Variants in MLST8 observed in about 807,000 individuals in gnomAD.
The protein encoded by MLST8 is MTOR associated protein MLST8, also known as target of rapamycin complex subunit LST8.
A neutral mutation model predicts 41.3 loss-of-function variants in MLST8; 20 were observed. The ratio of observed to expected loss-of-function variants is 0.48; its 90% CI spans 0.34 to 0.70. The LOEUF is 0.70. Ranked by LOEUF, MLST8 falls within the 30% of genes least tolerant of loss-of-function variation. MLST8 has a pLI of 0.01. For missense variants in MLST8, 422 were observed against 454.3 expected, an observed-to-expected ratio of 0.93 and a Z score of 0.65; for synonymous variants, 243 against 183.0, an observed-to-expected ratio of 1.33 and a Z score of -2.65.
chr16:2,205,668 C>G (rs993857262), intron 1 of MLST8, 156 bp downstream of exon 1: 1 of 988,636 alleles, frequency 1.0e-6, no homozygotes, highest in African/African-American at 1.7e-5. Context: ...CCATCAGGGC[C>G]TGCCGCTGGC....
At position 2,206,576 on chromosome 16, in the gene MLST8, CAT is replaced by C. The variant is rs754037791; in HGVS notation, c.262_263del (p.Ile88ArgfsTer44). 1 of 1,614,112 alleles carries C rather than the reference CAT, an allele frequency of 6.2e-7. No individual in the cohort carries two copies. Among genetic ancestry groups the C allele is most frequent in the South Asian group, 1.1e-5 (1 of 91,082 alleles). ...IISYDGVNKN[I>X]ASVGFHEDGR... Reference sequence around the variant, plus strand: ...TCAGCTACGACGGCGTCAACAAGAACATCGCGTCTGTGGGCTTCCACGAAGAC... The same window carrying C: ...TCAGCTACGACGGCGTCAACAAGAACCGCGTCTGTGGGCTTCCACGAAGAC... On this transcript the variant is annotated frameshift_variant, in exon 4 of 9. Transcript: ENST00000569417. LOFTEE classifies it high-confidence loss of function.
In MLST8 at chr16:2,209,214, G is replaced by C; in HGVS notation, c.*337G>C. 1 of 777,864 alleles carries C rather than the reference G, an allele frequency of 1.3e-6. No individual in the cohort carries two copies. The highest frequency in any genetic ancestry group is 2.0e-6 in the Non-Finnish European group (1 of 490,768). 48.2% of individuals were successfully genotyped at this position (777,864 alleles called of 1,614,324 possible). A position where few individuals can be genotyped will look rare whatever the true frequency, so the allele number is the denominator to read the frequency against. ...GTGTTCTCTGCCCCTCCCTGCCCGC[G>C]TTTCAGGGCCTCGGTCCATAGAGAA... On this transcript the variant is annotated 3_prime_UTR_variant, in exon 9 of 9. Transcript: ENST00000569417.
At position 2,208,596 on chromosome 16, in the gene MLST8, C is replaced by T; in HGVS notation, c.845C>T (p.Ser282Phe). 1 of 1,612,500 alleles carries T rather than the reference C, an allele frequency of 6.2e-7. No homozygotes were observed. Among genetic ancestry groups the T allele is most frequent in the Non-Finnish European group, 8.5e-7 (1 of 1,179,666 alleles). The change falls in exon 8 of 9, where the codon TCC becomes TTC. Residue 282 changes from serine to phenylalanine, a missense_variant. Transcript: ENST00000569417. ...TGGGGCTGCGCCTTCTCGGGGGACT[C>T]CCAGTACATCGTCACTGGTGAGCCC... ...WMWGCAFSGD[S>F]QYIVTASSDN...
intron 6 of MLST8, chr16:2,207,678 C>T (rs887454331): frequency 5.3e-6 from 2 of 378,446 alleles, no homozygotes; most frequent in East Asian, 5.5e-5. Flanking sequence ...CCTGACCTCC[C>T]CTGGCCCCTG....
chr16:2,207,948 C>T (rs917921516), intron 6 of MLST8: 12 of 393,906 alleles, frequency 3.0e-5, no homozygotes, highest in South Asian at 1.0e-4. Flanking sequence ...TGTCTACTTC[C>T]GTTGGCCATC....
At chr16:2,206,704 C>A in intron 4 of MLST8, 45 bp downstream of exon 4, 1 of 1,597,124 alleles carries the variant, frequency 6.3e-7, no homozygotes, top group Non-Finnish European at 8.5e-7. Flanking sequence ...GGGTGGGCTG[C>A]TCTGGGAGAC....
At chr16:2,205,871 G>A (rs1596708678) in intron 1 of MLST8, 160 bp from the exon 2 acceptor site, 1 of 1,358,140 alleles carries the variant, frequency 7.4e-7, no homozygotes, top group Non-Finnish European at 9.5e-7. Flanking sequence ...GAGCCCCGGA[G>A]CCAGGTATCA....
chr16:2,206,580 G>A lies in MLST8; in HGVS notation c.265G>A (p.Ala89Thr), dbSNP rs1285037604. ...CTACGACGGCGTCAACAAGAACATCGCGTCTGTGGGCTTCCACGAAGACGG... is the reference window on the plus strand; with the variant it reads ...CTACGACGGCGTCAACAAGAACATCACGTCTGTGGGCTTCCACGAAGACGG... ...ISYDGVNKNI[A>T]SVGFHEDGRW... Residue 89 changes from alanine (A) to threonine (T), a missense_variant, in exon 4 of 9, where the codon GCG becomes ACG. By Grantham distance (58) the Ala-to-Thr change is moderately conservative. Coordinates refer to ENST00000569417, the MANE Select transcript of MLST8 (RefSeq NM_022372.6). 1.9e-6 allele frequency: 3 copies of A among 1,613,980 alleles called. No homozygotes were observed. The highest frequency in any genetic ancestry group is 1.7e-5 in the Admixed American group (1 of 59,996).
intron 8 of MLST8, 49 bp from the exon 9 acceptor site, chr16:2,208,710 T>G: frequency 6.2e-7 from 1 of 1,613,430 alleles, no homozygotes; most frequent in Non-Finnish European, 8.5e-7. Context: ...TGGGGCCGCC[T>G]GCTTGGCCTG....
In MLST8 at chr16:2,205,786, C is replaced by A. The variant is rs574093429; in HGVS notation, c.-55-245C>A. ...GAGTGGCGCCCGCGCGTGACTCCCCCCTGCCGGCTGCGGAGGTGGGGGGGG... is the reference window on the plus strand; with the variant it reads ...GAGTGGCGCCCGCGCGTGACTCCCCACTGCCGGCTGCGGAGGTGGGGGGGG... On this transcript the variant is annotated intron_variant, in intron 1 of 8. Transcript: ENST00000569417. 1.9e-4 allele frequency: 201 copies of A among 1,067,906 alleles called. 3 individuals carry two copies. In the South Asian group the frequency reaches 4.5e-3, roughly 24 times the overall value. The allele number at this position is 1,067,906 out of a possible 1,614,324, so 66.2% of individuals were successfully genotyped here. A position where few individuals can be genotyped will look rare whatever the true frequency, so the allele number is the denominator to read the frequency against.
chr16:2,205,621 A>G, intron 1 of MLST8, 109 bp downstream of exon 1: 1 of 949,128 alleles, frequency 1.1e-6, no homozygotes, highest in Non-Finnish European at 1.3e-6. Flanking sequence ...ACCGGAGGAA[A>G]GGGGAGCTCG....
chr16:2,208,844 C>T lies in MLST8; in HGVS notation c.948C>T (p.Val316=), dbSNP rs2093351934. 6.2e-7 allele frequency: 1 copy of T among 1,613,716 alleles called. No individual in the cohort carries two copies. Among genetic ancestry groups the T allele is most frequent in the Non-Finnish European group, 8.5e-7 (1 of 1,179,926 alleles). Reference sequence around the variant, plus strand: ...ATGGCGGCCACCAGAAGGCTGTTGTCTGCCTGGCCTTCAATGACAGTGTGC... The same window carrying T: ...ATGGCGGCCACCAGAAGGCTGTTGTTTGCCTGGCCTTCAATGACAGTGTGC... The part of the protein sequence containing the change: ...REYGGHQKAV[V]CLAFNDSVLG The change falls in exon 9 of 9, where the codon GTC becomes GTT. Residue 316 remains valine, a synonymous_variant. Transcript: ENST00000569417.
At chr16:2,208,108 C>G in intron 6 of MLST8, 102 bp from the exon 7 acceptor site, 1 of 1,405,978 alleles carries the variant, frequency 7.1e-7, no homozygotes, top group Non-Finnish European at 9.5e-7. Context: ...CACCCGGGGT[C>G]CCCATGCACA....
chr16:2,209,227 G>C lies in MLST8; in HGVS notation c.*350G>C. ...CTCCCTGCCCGCGTTTCAGGGCCTC[G>C]GTCCATAGAGAACACCACCACCATG... On this transcript the variant is annotated 3_prime_UTR_variant, in exon 9 of 9. Coordinates refer to ENST00000569417, the MANE Select transcript of MLST8 (RefSeq NM_022372.6). 1.2e-6 allele frequency: 1 copy of C among 850,666 alleles called. No homozygotes were observed. Among genetic ancestry groups the C allele is most frequent in the East Asian group, 2.6e-5 (1 of 37,872 alleles). 52.7% of individuals were successfully genotyped at this position (850,666 alleles called of 1,614,324 possible). A position where few individuals can be genotyped will look rare whatever the true frequency, so the allele number is the denominator to read the frequency against.
Position 2,208,527 on chromosome 16 carries a change from G to C in MLST8, c.776G>C (p.Ser259Thr). 6.2e-7 allele frequency: 1 copy of C among 1,613,256 alleles called. No homozygotes were observed. Among genetic ancestry groups the C allele is most frequent in the African/African-American group, 1.3e-5 (1 of 75,028 alleles). ...AACTTCTCCCTGATGACGGAGCTGA[G>C]CATCAAGAGCGGCAACCCCGGGGAG... ...TSNFSLMTELSIKSGNPGESS... is the reference protein window; with the variant it reads ...TSNFSLMTELTIKSGNPGESS... Residue 259 changes from serine to threonine, a missense_variant, in exon 8 of 9, where the codon AGC becomes ACC. Ser to Thr is a moderately conservative substitution (Grantham distance 58). Transcript: ENST00000569417.
intron 6 of MLST8, chr16:2,207,719 G>C (rs554680250): frequency 1.9e-4 from 57 of 298,494 alleles, no homozygotes; most frequent in African/African-American, 1.2e-3. Context: ...TTCTAGTGGT[G>C]CCTGGTCAGT....
rs770362860 is a variant in MLST8, at chr16:2,206,019, C to G, written c.-55-12C>G. ...AGAGTGTCTTCTAAGTACTTCACAT[C>G]CTTCTCTGCAGATGCTCTGACCTTT... On this transcript the variant is annotated splice_polypyrimidine_tract_variant and intron_variant, in intron 1 of 8. Coordinates refer to ENST00000569417, the MANE Select transcript of MLST8 (RefSeq NM_022372.6). 7.2e-6 allele frequency: 11 copies of G among 1,519,198 alleles called. No individual in the cohort carries two copies. Among genetic ancestry groups the G allele is most frequent in the Non-Finnish European group, 9.7e-6 (11 of 1,132,074 alleles). The allele number at this position is 1,519,198 out of a possible 1,614,324, so 94.1% of individuals were successfully genotyped here. A position where few individuals can be genotyped will look rare whatever the true frequency, so the allele number is the denominator to read the frequency against.
intron 6 of MLST8, chr16:2,207,972 AAGG>A (rs1242370468): frequency 9.2e-6 from 4 of 437,128 alleles, no homozygotes; most frequent in South Asian, 4.3e-5. Context: ...ATCCTCCAGG[AAGG>A]AGAATTTGAG....
rs764452200 is a variant in MLST8 at position 2,208,801 on chromosome 16, G to A, written c.905G>A (p.Gly302Glu). 6.2e-7 allele frequency: 1 copy of A among 1,613,986 alleles called. No individual in the cohort carries two copies. Among genetic ancestry groups the A allele is most frequent in the Non-Finnish European group, 8.5e-7 (1 of 1,179,914 alleles). ...GCCCGGCTCTGGTGTGTGGAGACTG[G>A]AGAGATCAAGAGAGAGTATGGCGGC... ...NLARLWCVET[G>E]EIKREYGGHQ... is the part of the protein sequence containing the mutation. Residue 302 changes from glycine (G) to glutamate (E), a missense_variant, in exon 9 of 9, where the codon GGA becomes GAA. Coordinates refer to ENST00000569417, the MANE Select transcript of MLST8 (RefSeq NM_022372.6).
Sources: gnomAD v4.1 joint callset for allele counts on GRCh38, gnomAD v4.1.1 for gene constraint, MANE v1.5 for transcripts, NCBI Gene and HGNC (gene_info 2026-07-23, HGNC 2026-07-21) for gene names.